Variants in PRKAG3 observed in about 807,000 individuals in gnomAD.
PRKAG3 encodes 5'-AMP-activated protein kinase subunit gamma-3.
Under a neutral mutation model 56.5 loss-of-function variants are expected in PRKAG3, and 39 were observed. That is an observed-to-expected ratio of 0.69 (90% CI 0.53 to 0.90). The LOEUF is 0.90. Among genes scored for constraint, PRKAG3 ranks in the 40% least tolerant of loss-of-function variants. The probability of loss-of-function intolerance (pLI) is 0.00; values close to 1 mark genes in which losing one functional copy is unlikely to be tolerated. For missense variants in PRKAG3, 628 were observed against 627.5 expected, an observed-to-expected ratio of 1.00 and a Z score of -0.01; for synonymous variants, 243 against 250.1, an observed-to-expected ratio of 0.97 and a Z score of 0.27.
At chr2:218,825,735 A>G (rs982650897) in intron 10 of PRKAG3, among the ~76,000 whole-genome samples, 6 of 150,480 alleles carry the variant, frequency 4.0e-5, no homozygotes, top group Admixed American at 2.6e-4. Context: ...TGAATTATTC[A>G]TGGTTTTGTT....
At chr2:218,831,751 T>TGCTCCAGCCCGG (rs1559399821) in exon 1 of PRKAG3, 1 of 1,610,992 alleles carries the variant, frequency 6.2e-7, no homozygotes, top group Non-Finnish European at 8.5e-7. Flanking sequence ...GCGCAGTGCG[T>TGCTCCAGCCCGG]GCTCCAGCCC....
At chr2:218,823,517 A>T in exon 13 of PRKAG3, 1 of 629,580 alleles carries the variant, frequency 1.6e-6, no homozygotes, top group Non-Finnish European at 2.6e-6. Flanking sequence ...GTGAGTCCTT[A>T]CACTTGCAGT....
chr2:218,827,706 G>T lies in PRKAG3; in HGVS notation c.821-77C>A. 6.4e-7 allele frequency: 1 copy of T among 1,574,162 alleles called. No homozygotes were observed. The highest frequency in any genetic ancestry group is 8.7e-7 in the Non-Finnish European group (1 of 1,144,152). ...TGCAGTCCCAGGCAGCTTCCCTTCC[G>T]TCAGGCACCCGAGGCTCCTATTGTC... is the stretch of plus-strand genomic sequence containing the variant. On this transcript the variant is annotated intron_variant, in intron 7 of 12. Transcript: ENST00000529249. The surrounding 1 kb of genome is among the most constrained non-coding windows in gnomAD (Gnocchi z 5.3).
chr2:218,825,758 A>ATG (rs1045460786), intron 10 of PRKAG3, among the ~76,000 whole-genome samples: 6 of 146,372 alleles, frequency 4.1e-5, no homozygotes, highest in Non-Finnish European at 5.9e-5. Flanking sequence ...GTGGTATAAA[A>ATG]TGCACTTTTT....
At chr2:218,823,758 C>T (rs1943886836) in exon 13 of PRKAG3, 2 of 1,613,974 alleles carry the variant, frequency 1.2e-6, no homozygotes, top group Non-Finnish European at 1.7e-6. Context: ...GGACTCAGAT[C>T]TTCTCAGGCC....
Position 218,828,990 on chromosome 2 carries a change from A to G in PRKAG3, c.634-390T>C, listed in dbSNP as rs199729735. On this transcript the variant is annotated intron_variant, in intron 4 of 12. Transcript: ENST00000529249. ...TTACATAACACTTGCATATTTACAT[A>G]CTTTTTTTGTAGATAAATTTTATAT... Among the ~76,000 whole-genome samples, 41 of 152,266 alleles carry G rather than the reference A, an allele frequency of 2.7e-4. No individual in the cohort carries two copies. The East Asian group carries it at 7.1e-3, about 27-fold the overall frequency.
chr2:218,823,670 T>C (rs1024258569), exon 13 of PRKAG3: 157 of 1,601,458 alleles, frequency 9.8e-5, no homozygotes, highest in Admixed American at 2.5e-4. Context: ...AACCAGCAAA[T>C]GGGGGTGGGG....
rs1943956948 is a variant in PRKAG3 at position 218,827,798 on chromosome 2, C to A, written c.820+35G>T. 6.9e-7 allele frequency: 1 copy of A among 1,458,508 alleles called. No individual in the cohort carries two copies. The highest frequency in any genetic ancestry group is 9.0e-7 in the Non-Finnish European group (1 of 1,108,120). 90.3% of individuals were successfully genotyped at this position (1,458,508 alleles called of 1,614,324 possible). On this transcript the variant is annotated intron_variant, in intron 7 of 12. Coordinates refer to ENST00000529249, the Ensembl canonical transcript of PRKAG3. This position sits in a 1 kb window ranked among gnomAD's most constrained non-coding sequence, Gnocchi z 5.3. ...CACCTTAAGCCCTGGCCCACCATCA[C>A]CAACAGCCCTTTCCGGGTTCCTCTC...
rs371452440 is a variant in PRKAG3, at chr2:218,827,956, C to T, written c.774+48G>A. ...ACCAGGCTCCAGGAGGACTCCCCTC[C>T]GCCCCCGCCCCTCTGGGTGCCCATA... is the stretch of plus-strand genomic sequence containing the variant. On this transcript the variant is annotated intron_variant, in intron 6 of 12. Coordinates refer to ENST00000529249, the Ensembl canonical transcript of PRKAG3. This position sits in a 1 kb window ranked among gnomAD's most constrained non-coding sequence, Gnocchi z 5.3. 55 of 1,597,914 alleles carry T rather than the reference C, an allele frequency of 3.4e-5. No homozygotes were observed. Among genetic ancestry groups the T allele is most frequent in the African/African-American group, 8.0e-5 (6 of 74,728 alleles).
chr2:218,830,865 C>G lies in PRKAG3; in HGVS notation c.110G>C (p.Trp37Ser), dbSNP rs1944010385. ...GCTGCTGGTCACAGCTGGTGATGGCCATGAGCTGCTGTTTTCTTGCTCTAG... is the reference window on the plus strand; with the variant it reads ...GCTGCTGGTCACAGCTGGTGATGGCGATGAGCTGCTGTTTTCTTGCTCTAG... The change falls in exon 3 of 13, where the codon TGG becomes TCG. Residue 37 changes from tryptophan (W) to serine (S), a missense_variant. Transcript: ENST00000529249. 1 of 1,613,744 alleles carries G rather than the reference C, an allele frequency of 6.2e-7. No individual in the cohort carries two copies. Among genetic ancestry groups the G allele is most frequent in the Admixed American group, 1.7e-5 (1 of 60,006 alleles).
intron 10 of PRKAG3, among the ~76,000 whole-genome samples, chr2:218,825,994 C>T (rs1275085677): frequency 2.6e-5 from 4 of 151,998 alleles, no homozygotes; most frequent in Non-Finnish European, 2.9e-5. Context: ...CTCTTGACCT[C>T]GTGATCCGCC....
At position 218,828,619 on chromosome 2, in the gene PRKAG3, C is replaced by T. The variant is rs376372307; in HGVS notation, c.634-19G>A. 29 of 1,609,128 alleles carry T rather than the reference C, an allele frequency of 1.8e-5. No individual in the cohort carries two copies. The African/African-American group carries it at 3.6e-4, about 20-fold the overall frequency. The stretch of plus-strand genomic sequence containing the variant: ...TCTTGATCTGAGGGGCCAGGGAGAA[C>T]AGTCAAGGGTGGGTCCCGAGAGACC... On this transcript the variant is annotated intron_variant, in intron 4 of 12. Coordinates refer to ENST00000529249, the Ensembl canonical transcript of PRKAG3.
At chr2:218,830,503 G>A (rs1167701900) in intron 3 of PRKAG3, 122 bp from the exon 4 acceptor site, 33 of 1,337,826 alleles carry the variant, frequency 2.5e-5, no homozygotes, top group Non-Finnish European at 3.1e-5. Flanking sequence ...CTATTTGCAG[G>A]TGAGGGGCTG....
At chr2:218,825,194 G>GGT (rs1013593736) in intron 10 of PRKAG3, among the ~76,000 whole-genome samples, 2 of 152,040 alleles carry the variant, frequency 1.3e-5, no homozygotes, top group Non-Finnish European at 2.9e-5. Flanking sequence ...AAATTAGCCA[G>GGT]GTGTGATGGC....
chr2:218,824,463 T>G, intron 11 of PRKAG3, 76 bp downstream of exon 11: 2 of 1,609,422 alleles, frequency 1.2e-6, no homozygotes, highest in Non-Finnish European at 1.7e-6. Flanking sequence ...AAGGTCCCCC[T>G]GGTCCACAGA....
Position 218,830,261 on chromosome 2 carries a change from A to AG in PRKAG3, c.349dup (p.Leu117ProfsTer4). 6.2e-7 allele frequency: 1 copy of AG among 1,613,892 alleles called. No individual in the cohort carries two copies. Among genetic ancestry groups the AG allele is most frequent in the Admixed American group, 1.7e-5 (1 of 60,016 alleles). ...AGCTGAGGCTGTACAGTCAGAGGGGAGGCAGTCCCACCCTGTTGGTGGAGT... is the reference window on the plus strand; with the variant it reads ...AGCTGAGGCTGTACAGTCAGAGGGGAGGGCAGTCCCACCCTGTTGGTGGAGT... On this transcript the variant is annotated frameshift_variant, in exon 4 of 13. Transcript: ENST00000529249. LOFTEE classifies it high-confidence loss of function.
chr2:218,826,925 T>C lies in PRKAG3; in HGVS notation c.1168+3A>G, dbSNP rs1943940755. 1 of 1,613,934 alleles carries C rather than the reference T, an allele frequency of 6.2e-7. No homozygotes were observed. Among genetic ancestry groups the C allele is most frequent in the Non-Finnish European group, 8.5e-7 (1 of 1,180,020 alleles). Reference sequence around the variant, plus strand: ...CCGAGCCTCTCATCCTGGGGGTGGGTACCACATTCGTTGACCACAGGCAGT... The same window carrying C: ...CCGAGCCTCTCATCCTGGGGGTGGGCACCACATTCGTTGACCACAGGCAGT... On this transcript the variant is annotated splice_donor_region_variant and intron_variant, in intron 10 of 12. Transcript: ENST00000529249.
chr2:218,824,349 G>T (rs766791815), exon 12 of PRKAG3: 2 of 1,614,078 alleles, frequency 1.2e-6, no homozygotes, highest in South Asian at 1.1e-5. Context: ...GTGGTTGTAG[G>T]TTTGCTGGGC....
intron 10 of PRKAG3, 22 bp from the exon 11 acceptor site, chr2:218,824,598 G>T: frequency 6.2e-7 from 1 of 1,602,652 alleles, no homozygotes; most frequent in African/African-American, 1.3e-5. Flanking sequence ...GGTTGTGGGG[G>T]GTGGGGGGAG....
Sources: gnomAD v4.1 joint callset for allele counts (sites outside exome capture counted in the v4.1 genomes callset) on GRCh38, gnomAD v4.1.1 for gene constraint, Gnocchi (gnomAD v3.1) non-coding constraint, MANE v1.5 for transcripts, NCBI Gene and HGNC (gene_info 2026-07-23, HGNC 2026-07-21) for gene names.